CCDC148: variants seen among roughly 807,000 people sequenced by gnomAD.
CCDC148 encodes coiled-coil domain-containing protein 148.
In CCDC148, 89 loss-of-function variants were observed where a neutral mutation model predicts 85.7. The ratio of observed to expected loss-of-function variants is 1.04; its 90% confidence interval spans 0.87 to 1.24. The LOEUF is 1.24. Ranked by LOEUF, CCDC148 falls within the 50% of genes most tolerant of loss-of-function variation. CCDC148 has a pLI of 0.00. For missense variants in CCDC148, 692 were observed against 671.7 expected (o/e 1.03, Z -0.33); for synonymous variants, 230 against 213.9 (o/e 1.08, Z -0.66).
chr2:158,425,666 C>T (rs933871377), intron 1 of CCDC148, among the ~76,000 whole-genome samples: 4 of 152,082 alleles, frequency 2.6e-5, no homozygotes, highest in Non-Finnish European at 4.4e-5. Flanking sequence ...GTTTGTTGTG[C>T]GGAGAGAATT....
intron 11 of CCDC148, among the ~76,000 whole-genome samples, chr2:158,202,349 G>T (rs1686011534): frequency 6.6e-6 from 1 of 152,210 alleles, no homozygotes; most frequent in Non-Finnish European, 1.5e-5. Flanking sequence ...AAGTGAATAG[G>T]CAGAAAGGAA....
chr2:158,175,699 C>A (rs946503172), intron 13 of CCDC148, among the ~76,000 whole-genome samples: 4 of 152,118 alleles, frequency 2.6e-5, no homozygotes, highest in African/African-American at 7.2e-5. Context: ...AATTATGCCT[C>A]TTTAGAGTCC....
At chr2:158,412,819 A>G (rs1181434873) in intron 1 of CCDC148, among the ~76,000 whole-genome samples, 62 of 137,696 alleles carry the variant, frequency 4.5e-4, no homozygotes, top group Non-Finnish European at 3.0e-5. Context: ...TTATAGCAAT[A>G]TAAGTATTTA....
chr2:158,323,210 A>G (rs999513072), intron 7 of CCDC148, among the ~76,000 whole-genome samples: 2 of 152,242 alleles, frequency 1.3e-5, no homozygotes, highest in Non-Finnish European at 2.9e-5. Flanking sequence ...TGTGCTGTCC[A>G]AGATGTTAGC....
chr2:158,223,629 A>C (rs1687323699), intron 10 of CCDC148, among the ~76,000 whole-genome samples: 1 of 152,186 alleles, frequency 6.6e-6, no homozygotes, highest in Non-Finnish European at 1.5e-5. Flanking sequence ...AAATGTCCAG[A>C]GGAACGACCA....
At chr2:158,429,194 G>A (rs1687217151) in intron 1 of CCDC148, among the ~76,000 whole-genome samples, 1 of 152,066 alleles carries the variant, frequency 6.6e-6, no homozygotes, top group African/African-American at 2.4e-5. Flanking sequence ...TACATGACGA[G>A]TTAATGGGTG....
At chr2:158,423,243 A>G (rs912649633) in intron 1 of CCDC148, among the ~76,000 whole-genome samples, 4 of 152,192 alleles carry the variant, frequency 2.6e-5, no homozygotes, top group Admixed American at 2.0e-4. Context: ...TAAAGTTCAT[A>G]TGGAACCAAG....
chr2:158,348,086 T>C (rs1288766562), intron 2 of CCDC148, among the ~76,000 whole-genome samples: 2 of 152,110 alleles, frequency 1.3e-5, no homozygotes, highest in African/African-American at 4.8e-5. Flanking sequence ...AGATTGCATA[T>C]GGATTTATCC....
At chr2:158,328,047 G>T (rs568638774) in intron 7 of CCDC148, among the ~76,000 whole-genome samples, 1 of 151,492 alleles carries the variant, frequency 6.6e-6, no homozygotes, top group East Asian at 1.9e-4. Context: ...TAAGTTTTAG[G>T]GTACATGTGC....
chr2:158,291,047 C>G (rs2105187617), intron 9 of CCDC148, among the ~76,000 whole-genome samples: 1 of 152,168 alleles, frequency 6.6e-6, no homozygotes, highest in Admixed American at 6.5e-5. Flanking sequence ...TGACTCCCCA[C>G]CTCTAGCCCT....
In CCDC148 at chr2:158,441,768, G is replaced by A. The variant is rs113720556; in HGVS notation, c.25+14647C>T. Among the ~76,000 whole-genome samples the A allele has an allele frequency of 4.3e-3, 661 of 152,250 alleles. 3 individuals carry two copies. The highest frequency in any genetic ancestry group is 0.015 in the African/African-American group (613 of 41,564). ...ACTTCTGCCTTAGAAGAGAGGAAAA[G>A]TGAAATACTCATTGATTTATCCAGA... On this transcript the variant is annotated intron_variant, in intron 1 of 13. Coordinates refer to ENST00000283233, the MANE Select transcript of CCDC148 (RefSeq NM_138803.4).
chr2:158,425,326 C>T, intron 1 of CCDC148: 2 of 519,320 alleles, frequency 3.9e-6, no homozygotes, highest in Non-Finnish European at 3.8e-6. Context: ...TTGGAGAAAA[C>T]AGGAGATGAT....
chr2:158,277,143 T>C (rs572433577), intron 9 of CCDC148, among the ~76,000 whole-genome samples: 2 of 152,338 alleles, frequency 1.3e-5, no homozygotes, highest in Non-Finnish European at 2.9e-5. Context: ...TATACCATTA[T>C]TGAAGAATTT....
At chr2:158,250,510 C>CTT (rs11338184) in intron 10 of CCDC148, among the ~76,000 whole-genome samples, 196 of 145,412 alleles carry the variant, frequency 1.3e-3, no homozygotes, top group African/African-American at 4.7e-3. Flanking sequence ...ACAACCTTGT[C>CTT]TTTTTTTTTT....
intron 2 of CCDC148, among the ~76,000 whole-genome samples, chr2:158,354,676 T>C (rs1204703419): frequency 1.3e-5 from 2 of 152,028 alleles, no homozygotes; most frequent in Non-Finnish European, 2.9e-5. Flanking sequence ...CCATTCCTTC[T>C]GAAACTATTC....
At chr2:158,299,950 G>T (rs1195485213) in intron 9 of CCDC148, among the ~76,000 whole-genome samples, 1 of 152,158 alleles carries the variant, frequency 6.6e-6, no homozygotes, top group Non-Finnish European at 1.5e-5. Context: ...TCTTGACTGG[G>T]TCATACAATC....
At chr2:158,355,295 G>A (rs1040181771) in intron 2 of CCDC148, among the ~76,000 whole-genome samples, 1 of 152,014 alleles carries the variant, frequency 6.6e-6, no homozygotes, top group Non-Finnish European at 1.5e-5. Context: ...AATTGTCCCT[G>A]TTTGCAGACG....
At chr2:158,305,456 G>C (rs1691639908) in intron 9 of CCDC148, among the ~76,000 whole-genome samples, 1 of 152,118 alleles carries the variant, frequency 6.6e-6, no homozygotes, top group Non-Finnish European at 1.5e-5. Context: ...GAAGGAACAA[G>C]AGTGTGGCAA....
intron 9 of CCDC148, among the ~76,000 whole-genome samples, chr2:158,303,102 A>T (rs73968912): frequency 6.6e-6 from 1 of 152,018 alleles, no homozygotes; most frequent in Admixed American, 6.6e-5. Flanking sequence ...CCTTTAACAC[A>T]TCTTAAAAGA....
Sources: allele counts gnomAD v4.1 joint callset (sites outside exome capture counted in the v4.1 genomes callset), GRCh38; gene constraint gnomAD v4.1.1; transcripts MANE v1.5; gene names NCBI Gene and HGNC (gene_info 2026-07-23, HGNC 2026-07-21).